C8B: variants seen among roughly 807,000 people sequenced by gnomAD.
The protein encoded by C8B is complement C8 beta chain.
C8B carries 67 observed loss-of-function variants against 64.6 expected under a neutral mutation model. That is an observed-to-expected ratio of 1.04 (90% confidence interval 0.85 to 1.27). The LOEUF is 1.27. Ranked by LOEUF, C8B falls within the 50% of genes most tolerant of loss-of-function variation. The probability of loss-of-function intolerance (pLI) is 0.00; values close to 1 mark genes in which losing one functional copy is unlikely to be tolerated. For synonymous variants in C8B, 284 were observed against 257.7 expected (o/e 1.10, Z -0.98); for missense variants, 790 against 725.2 (o/e 1.09, Z -1.03).
In C8B at chr1:56,933,331, G is replaced by A. The variant is rs761605590; in HGVS notation, c.1552+4C>T. The A allele has an allele frequency of 1.9e-6, 3 of 1,611,818 alleles. No homozygotes were observed. The highest frequency in any genetic ancestry group is 2.5e-6 in the Non-Finnish European group (3 of 1,178,080). Reference sequence around the variant, plus strand: ...CAGGGACACCAGCTGCCTGAAAGTGGTACCTTTCAGGACAGGGACTCCATT... The same window carrying A: ...CAGGGACACCAGCTGCCTGAAAGTGATACCTTTCAGGACAGGGACTCCATT... On this transcript the variant is annotated splice_donor_region_variant and intron_variant, in intron 10 of 11. Coordinates refer to ENST00000371237, the MANE Select transcript of C8B (RefSeq NM_000066.4).
At chr1:56,960,262 A>G in intron 1 of C8B, 86 bp from the exon 2 acceptor site, 1 of 1,274,374 alleles carries the variant, frequency 7.8e-7, no homozygotes, top group Non-Finnish European at 1.1e-6. Flanking sequence ...TTCAATAAAT[A>G]TATATTTGCT....
chr1:56,960,871 A>C (rs1305588654), intron 1 of C8B, among the ~76,000 whole-genome samples: 1 of 151,948 alleles, frequency 6.6e-6, no homozygotes, highest in African/African-American at 2.4e-5. Flanking sequence ...GGGCATGCTG[A>C]GTTCCAGGTG....
Position 56,949,643 on chromosome 1 carries a change from T to C in C8B, c.776A>G (p.Lys259Arg), listed in dbSNP as rs1178912284. ...ASKSGFSFGF[K>R]IPGIFELGIS... ...GCCAAGTTCAAATATTCCAGGTATT[T>C]TAAAACCAAAACTGAAACCAGACTT... is the stretch of plus-strand genomic sequence containing the variant. The change falls in exon 6 of 12, where the codon AAA becomes AGA. Residue 259 changes from lysine to arginine, a missense_variant. Transcript: ENST00000371237. 1 of 1,614,096 alleles carries C rather than the reference T, an allele frequency of 6.2e-7. No individual in the cohort carries two copies. Among genetic ancestry groups the C allele is most frequent in the Non-Finnish European group, 8.5e-7 (1 of 1,179,996 alleles).
intron 8 of C8B, among the ~76,000 whole-genome samples, chr1:56,941,814 A>G (rs559629634): frequency 9.3e-4 from 141 of 152,312 alleles, no homozygotes; most frequent in African/African-American, 3.3e-3. Context: ...CTCTCTCCAA[A>G]CTGGCTCCTG....
At chr1:56,946,190 A>G in intron 6 of C8B, 129 bp from the exon 7 acceptor site, 2 of 1,045,876 alleles carry the variant, frequency 1.9e-6, no homozygotes, top group East Asian at 2.5e-5. Flanking sequence ...CCTTTAGGAT[A>G]CTTGAGGGAA....
chr1:56,941,421 G>A (rs1056158635), intron 8 of C8B, among the ~76,000 whole-genome samples: 17 of 152,076 alleles, frequency 1.1e-4, no homozygotes, highest in Admixed American at 1.1e-3. Context: ...AGGTAGATAG[G>A]TGATAGGAGA....
intron 9 of C8B, among the ~76,000 whole-genome samples, chr1:56,938,492 A>G (rs1464762018): frequency 6.6e-6 from 1 of 152,020 alleles, no homozygotes; most frequent in Non-Finnish European, 1.5e-5. Flanking sequence ...ATCTTCTTCT[A>G]TTTTTCTGTT....
At position 56,933,416 on chromosome 1, in the gene C8B, G is replaced by C; in HGVS notation, c.1471C>G (p.Gln491Glu). Residue 491 changes from glutamine to glutamate, a missense_variant, in exon 10 of 12, where the codon CAG becomes GAG. Gln to Glu is a conservative substitution (Grantham distance 29, BLOSUM62 2). Coordinates refer to ENST00000371237, the MANE Select transcript of C8B (RefSeq NM_000066.4). ...TCCTTCTGGAACTCCTCCAGTGCCT[G>C]CTTCATGTTCTGCCTCACTGTGCTG... ...YSSTVRQNMK[Q>E]ALEEFQKEVS... 6.2e-7 allele frequency: 1 copy of C among 1,613,402 alleles called. No homozygotes were observed. The highest frequency in any genetic ancestry group is 1.1e-5 in the South Asian group (1 of 91,062).
intron 4 of C8B, among the ~76,000 whole-genome samples, 171 bp downstream of exon 4, chr1:56,954,515 C>T (rs967273625): frequency 1.3e-5 from 2 of 152,174 alleles, no homozygotes; most frequent in East Asian, 3.9e-4. Flanking sequence ...GTTCCTGGAG[C>T]TGCTTGGAAC....
At position 56,929,497 on chromosome 1, in the gene C8B, AC is replaced by A; in HGVS notation, c.1682del (p.Arg561LeufsTer34). The A allele has an allele frequency of 1.2e-6, 2 of 1,613,786 alleles. No homozygotes were observed. The highest frequency in any genetic ancestry group is 1.7e-6 in the Non-Finnish European group (2 of 1,179,904). On this transcript the variant is annotated frameshift_variant, in exon 12 of 12. Transcript: ENST00000371237. LOFTEE classifies it low-confidence loss of function (END_TRUNC). ...WSNWSSCSGR[R>X]KTRQRQCNNP... ...TGTTACACTGCCTTTGTCTTGTCTT[AC>A]GTCTTCCAGAGCATGAAGACCAATT...
chr1:56,954,196 C>T (rs899706539), intron 4 of C8B, among the ~76,000 whole-genome samples: 22 of 152,150 alleles, frequency 1.4e-4, no homozygotes, highest in African/African-American at 5.1e-4. Flanking sequence ...ACAGGACCAA[C>T]TCAGAGATCC....
At chr1:56,938,296 T>C (rs1018892563) in intron 9 of C8B, among the ~76,000 whole-genome samples, 1 of 152,204 alleles carries the variant, frequency 6.6e-6, no homozygotes, top group Non-Finnish European at 1.5e-5. Flanking sequence ...TGTCTCAATT[T>C]TCTGCAATGT....
chr1:56,931,657 TGATGGA>T (rs1644702672), intron 11 of C8B, 147 bp downstream of exon 11: 1 of 654,338 alleles, frequency 1.5e-6, no homozygotes, highest in Non-Finnish European at 2.8e-6. Flanking sequence ...AGTTATTAAA[TGATGGA>T]GATGGAATTT....
chr1:56,952,134 T>G lies in C8B; in HGVS notation c.580A>C (p.Arg194=), dbSNP rs1187504067. ...GGGGAGCATCCACCTGCATAATACC[T>G]GTGATCAAGAACTGGGCCCTCAAAA... is the stretch of plus-strand genomic sequence containing the variant. ...NSFEGPVLDH[R]YYAGGCSPHY... Residue 194 remains arginine (R), a synonymous_variant, in exon 5 of 12, where the codon AGG becomes CGG. Coordinates refer to ENST00000371237, the MANE Select transcript of C8B (RefSeq NM_000066.4). 6.2e-7 allele frequency: 1 copy of G among 1,614,062 alleles called. No individual in the cohort carries two copies. The highest frequency in any genetic ancestry group is 8.5e-7 in the Non-Finnish European group (1 of 1,180,002).
At chr1:56,930,943 A>G (rs1278092411) in intron 11 of C8B, among the ~76,000 whole-genome samples, 1 of 152,118 alleles carries the variant, frequency 6.6e-6, no homozygotes, top group Non-Finnish European at 1.5e-5. Context: ...TCTTACAGGC[A>G]CAGAAACTGA....
rs1644841278 is a variant in C8B, at chr1:56,940,852, A to T, written c.1395T>A (p.Val465=). 2.5e-6 allele frequency: 4 copies of T among 1,613,938 alleles called. No individual in the cohort carries two copies. In the East Asian group the frequency reaches 8.9e-5, roughly 36 times the overall value. The change falls in exon 9 of 12, where the codon GTT becomes GTA. Residue 465 remains valine (V), a synonymous_variant. Coordinates refer to ENST00000371237, the MANE Select transcript of C8B (RefSeq NM_000066.4). Reference sequence around the variant, plus strand: ...TGGGTAGAGCAGCGTTGTGTACCTTAACTTTGATGATGGCTGGGTTGTACT... The same window carrying T: ...TGGGTAGAGCAGCGTTGTGTACCTTTACTTTGATGATGGCTGGGTTGTACT... ...AVQYNPAIIK[V]KVEPLYELVT... is the part of the protein sequence containing the mutation.
At chr1:56,961,840 G>T (rs1645184820) in intron 1 of C8B, among the ~76,000 whole-genome samples, 2 of 152,128 alleles carry the variant, frequency 1.3e-5, no homozygotes. Context: ...GATCTTTAAT[G>T]AAAGGTCAAA....
At chr1:56,938,483 T>G (rs1644804367) in intron 9 of C8B, among the ~76,000 whole-genome samples, 1 of 152,260 alleles carries the variant, frequency 6.6e-6, no homozygotes, top group Admixed American at 6.5e-5. Flanking sequence ...TATTCTAAAA[T>G]CTTCTTCTAT....
At chr1:56,946,167 C>T in intron 6 of C8B, 106 bp from the exon 7 acceptor site, 1 of 1,302,988 alleles carries the variant, frequency 7.7e-7, no homozygotes, top group East Asian at 2.4e-5. Flanking sequence ...CTGGGGTCAT[C>T]ACTCTTATGA....
Sources: allele counts gnomAD v4.1 joint callset (sites outside exome capture counted in the v4.1 genomes callset), GRCh38; gene constraint gnomAD v4.1.1; transcripts MANE v1.5; gene names NCBI Gene and HGNC (gene_info 2026-07-23, HGNC 2026-07-21).